Variants in SPTBN2 observed in about 807,000 individuals in gnomAD.
The protein encoded by SPTBN2 is spectrin beta, non-erythrocytic 2.
In SPTBN2, 107 loss-of-function variants were observed where a neutral mutation model predicts 284.2. That is an observed-to-expected ratio of 0.38 (90% confidence interval 0.32 to 0.44). SPTBN2 has a LOEUF of 0.44. Among genes scored for constraint, SPTBN2 ranks in the 20% least tolerant of loss-of-function variants. The pLI is 1.00. For synonymous variants in SPTBN2, 1,289 were observed against 1,354.8 expected, an observed-to-expected ratio of 0.95 and a Z score of 1.07; for missense variants, 2,569 against 3,287.1, an observed-to-expected ratio of 0.78 and a Z score of 5.34.
At chr11:66,689,414 C>G in intron 29 of SPTBN2, 2 of 551,404 alleles carry the variant, frequency 3.6e-6, no homozygotes, top group Non-Finnish European at 3.2e-6. Flanking sequence ...GCTGGGATTA[C>G]AGGTGCCCGC....
At chr11:66,720,111 T>A (rs1023632494) in intron 3 of SPTBN2, among the ~76,000 whole-genome samples, 1 of 152,144 alleles carries the variant, frequency 6.6e-6, no homozygotes, top group Admixed American at 6.5e-5. Context: ...GAAACCTGTA[T>A]TTGTAAAAAA....
chr11:66,702,731 G>A (rs1448867824), intron 15 of SPTBN2, among the ~76,000 whole-genome samples: 7 of 151,732 alleles, frequency 4.6e-5, no homozygotes, highest in Non-Finnish European at 8.8e-5. Context: ...AAGGTCAGGA[G>A]ATCGAGACCA....
At chr11:66,686,328 A>T in intron 37 of SPTBN2, 70 bp downstream of exon 37, 1 of 1,590,200 alleles carries the variant, frequency 6.3e-7, no homozygotes, top group Non-Finnish European at 8.6e-7. Context: ...AGGACAGGGA[A>T]AGAAGGGGAG....
rs1467781459 is a variant in SPTBN2 at position 66,693,167 on chromosome 11, G to A, written c.4854+19C>T. ...GGGCAGAACTGGTCACATACACTGGGCTCTGTCCTGGCCCTCACCTTGGCC... is the reference window on the plus strand; with the variant it reads ...GGGCAGAACTGGTCACATACACTGGACTCTGTCCTGGCCCTCACCTTGGCC... On this transcript the variant is annotated intron_variant, in intron 24 of 37. Transcript: ENST00000533211. This position sits in a 1 kb window ranked among gnomAD's most constrained non-coding sequence, Gnocchi z 5.7. The A allele has an allele frequency of 6.2e-7, 1 of 1,614,214 alleles. No individual in the cohort carries two copies. The highest frequency in any genetic ancestry group is 1.7e-5 in the Admixed American group (1 of 60,034).
Position 66,696,425 on chromosome 11 carries a change from C to A in SPTBN2, c.4130G>T (p.Arg1377Leu), listed in dbSNP as rs767535278. ...ELETTTQAKA[R>L]SLFDANRAEL... ...AGCTCGGTTGGCATCAAAGAGGCTG[C>A]GGGCCTTGGCTTGGGTGGTGGTCTC... Residue 1377 changes from arginine to leucine, a missense_variant, in exon 21 of 38, where the codon CGC becomes CTC. By Grantham distance (102) the Arg-to-Leu change is moderately radical (BLOSUM62 -2). Around this residue, in one of 6 missense-constraint regions of SPTBN2, gnomAD observed 49 missense variants for 92.6 expected, o/e 0.53. Coordinates refer to ENST00000533211, the MANE Select transcript of SPTBN2 (RefSeq NM_006946.4). The A allele has an allele frequency of 1.2e-6, 2 of 1,613,058 alleles. No homozygotes were observed. Among genetic ancestry groups the A allele is most frequent in the Non-Finnish European group, 1.7e-6 (2 of 1,180,020 alleles).
chr11:66,708,839 G>A lies in SPTBN2; in HGVS notation c.1191+63C>T, dbSNP rs1344433897. On this transcript the variant is annotated intron_variant, in intron 11 of 37. Transcript: ENST00000533211. This position sits in a 1 kb window ranked among gnomAD's most constrained non-coding sequence, Gnocchi z 4.4. ...TCGACATGGCCCCGGGTTTGGGGAT[G>A]TGTGCAAGGCATCTGGGCCAGGGCC... 1.9e-5 allele frequency: 26 copies of A among 1,352,978 alleles called. No homozygotes were observed. Among genetic ancestry groups the A allele is most frequent in the Non-Finnish European group, 2.6e-5 (25 of 947,334 alleles). The allele number at this position is 1,352,978 out of a possible 1,614,324, so 83.8% of individuals were successfully genotyped here.
At position 66,707,989 on chromosome 11, in the gene SPTBN2, C is replaced by A; in HGVS notation, c.1350+152G>T. The A allele has an allele frequency of 7.0e-7, 1 of 1,422,556 alleles. No homozygotes were observed. The highest frequency in any genetic ancestry group is 1.2e-5 in the South Asian group (1 of 80,470). 88.1% of individuals were successfully genotyped at this position (1,422,556 alleles called of 1,614,324 possible). ...TCACCAACCCTCTCTCCTGTCCCAC[C>A]CTCTGGCCCCTGGCTCCCGGACCTC... On this transcript the variant is annotated intron_variant, in intron 12 of 37. Coordinates refer to ENST00000533211, the MANE Select transcript of SPTBN2 (RefSeq NM_006946.4). The surrounding 1 kb of genome is among the most constrained non-coding windows in gnomAD (Gnocchi z 4.9).
chr11:66,705,761 T>C lies in SPTBN2; in HGVS notation c.1730A>G (p.Glu577Gly). 6.2e-7 allele frequency: 1 copy of C among 1,612,574 alleles called. No homozygotes were observed. Among genetic ancestry groups the C allele is most frequent in the Non-Finnish European group, 8.5e-7 (1 of 1,179,892 alleles). The change falls in exon 14 of 38, where the codon GAG becomes GGG. Residue 577 changes from glutamate to glycine, a missense_variant. Glu to Gly is a moderately conservative substitution (Grantham distance 98, BLOSUM62 -2). This residue lies in a region of SPTBN2 where 1,012 missense variants were observed against 1,248.9 expected (regional missense o/e 0.81). Transcript: ENST00000533211. The part of the protein sequence containing the change: ...EDLLQLHELV[E>G]ADIAVQAERV... ...CTCGGCCTGCACGGCGATGTCTGCCTCCACCAGCTCGTGCAGCTGCAGCAG... is the reference window on the plus strand; with the variant it reads ...CTCGGCCTGCACGGCGATGTCTGCCCCCACCAGCTCGTGCAGCTGCAGCAG...
chr11:66,690,036 C>T lies in SPTBN2; in HGVS notation c.5810+3G>A. On this transcript the variant is annotated splice_donor_region_variant and intron_variant, in intron 28 of 37. Coordinates refer to ENST00000533211, the MANE Select transcript of SPTBN2 (RefSeq NM_006946.4). ...TGGAGGCCCTGAGCCCTGGGATTCT[C>T]ACCGGGGACGCTCCTGGGCATCCAT... 6.2e-7 allele frequency: 1 copy of T among 1,614,260 alleles called. No individual in the cohort carries two copies. The highest frequency in any genetic ancestry group is 8.5e-7 in the Non-Finnish European group (1 of 1,180,048).
At chr11:66,695,129 G>T (rs1417696018) in intron 21 of SPTBN2, among the ~76,000 whole-genome samples, 2 of 151,562 alleles carry the variant, frequency 1.3e-5, no homozygotes, top group Admixed American at 6.6e-5. Flanking sequence ...CCTTCCTGGG[G>T]GACTCCTCAA....
chr11:66,691,233 C>T lies in SPTBN2; in HGVS notation c.5565+51G>A. On this transcript the variant is annotated intron_variant, in intron 27 of 37. Transcript: ENST00000533211. This position sits in a 1 kb window ranked among gnomAD's most constrained non-coding sequence, Gnocchi z 8.0. ...CTCCTGGGAACTCTCCCCGGCATTT[C>T]CCCCATGGCCTCCTCTAAGCCTCCC... 2 of 1,500,136 alleles carry T rather than the reference C, an allele frequency of 1.3e-6. No homozygotes were observed. Among genetic ancestry groups the T allele is most frequent in the Non-Finnish European group, 1.8e-6 (2 of 1,123,788 alleles). 92.9% of individuals were successfully genotyped at this position (1,500,136 alleles called of 1,614,324 possible). A position where few individuals can be genotyped will look rare whatever the true frequency, so the allele number is the denominator to read the frequency against.
intron 10 of SPTBN2, 94 bp from the exon 11 acceptor site, chr11:66,709,113 C>G: frequency 9.7e-7 from 1 of 1,034,854 alleles, no homozygotes; most frequent in East Asian, 2.4e-5. Flanking sequence ...TGTTGCTTTT[C>G]TTCTTACAAA....
Position 66,701,015 on chromosome 11 carries a change from G to A in SPTBN2, c.3084C>T (p.Gly1028=). 6.2e-7 allele frequency: 1 copy of A among 1,608,112 alleles called. No homozygotes were observed. Among genetic ancestry groups the A allele is most frequent in the Non-Finnish European group, 8.5e-7 (1 of 1,179,812 alleles). ...TGATGGCCACTGCCTGAGCGGGATG[G>A]CCGGCAGCCAGGGCATTTGCCTCTC... ...LTREANALAA[G]HPAQAVAINA... Residue 1028 remains glycine (G), a synonymous_variant, in exon 17 of 38, where the codon GGC becomes GGT. Coordinates refer to ENST00000533211, the MANE Select transcript of SPTBN2 (RefSeq NM_006946.4).
At chr11:66,695,415 C>T (rs188369034) in intron 21 of SPTBN2, among the ~76,000 whole-genome samples, 5 of 152,300 alleles carry the variant, frequency 3.3e-5, no homozygotes, top group African/African-American at 9.6e-5. Flanking sequence ...ACCACCACCA[C>T]GCCCAGCTAA....
At chr11:66,711,537 C>G (rs558871429) in intron 8 of SPTBN2, among the ~76,000 whole-genome samples, 2 of 152,158 alleles carry the variant, frequency 1.3e-5, no homozygotes, top group Non-Finnish European at 2.9e-5. Context: ...GGTGTGATCA[C>G]GCCGTTTCTA....
intron 13 of SPTBN2, among the ~76,000 whole-genome samples, chr11:66,706,491 C>G (rs1941565863): frequency 6.6e-6 from 1 of 152,102 alleles, no homozygotes. Flanking sequence ...CCACCACACT[C>G]AGCTAATTTT....
chr11:66,726,027 A>C (rs775913474), intron 1 of SPTBN2, among the ~76,000 whole-genome samples: 4 of 152,118 alleles, frequency 2.6e-5, no homozygotes, highest in Non-Finnish European at 4.4e-5. Context: ...TTAGTTGTTT[A>C]CGTGTCTCTC....
Position 66,688,840 on chromosome 11 carries a change from A to G in SPTBN2, c.6044T>C (p.Val2015Ala), listed in dbSNP as rs1590910241. The change falls in exon 31 of 38, where the codon GTG (valine) becomes GCG (alanine). Residue 2015 changes from valine to alanine, a missense_variant. Physicochemically the swap from Val to Ala is moderately conservative, Grantham distance 64. Transcript: ENST00000533211. The part of the protein sequence containing the change: ...KMDWLQLVLE[V>A]LVFGRDAGMA... Reference sequence around the variant, plus strand: ...CCCTGCATCTCTTCCAAACACAAGCACCTCCAAAACTGGCAGGATCGGGGG... The same window carrying G: ...CCCTGCATCTCTTCCAAACACAAGCGCCTCCAAAACTGGCAGGATCGGGGG... 30 of 1,611,656 alleles carry G rather than the reference A, an allele frequency of 1.9e-5. No homozygotes were observed. The highest frequency in any genetic ancestry group is 2.5e-5 in the Non-Finnish European group (29 of 1,179,924).
At position 66,705,270 on chromosome 11, in the gene SPTBN2, G is replaced by T; in HGVS notation, c.2006C>A (p.Thr669Lys). The T allele has an allele frequency of 1.3e-6, 2 of 1,592,650 alleles. No individual in the cohort carries two copies. Among genetic ancestry groups the T allele is most frequent in the Non-Finnish European group, 1.7e-6 (2 of 1,174,868 alleles). Residue 669 changes from threonine (T) to lysine (K), a missense_variant, in exon 15 of 38, where the codon ACG (threonine) becomes AAG (lysine). Physicochemically the swap from Thr to Lys is moderately conservative, Grantham distance 78. Around this residue, in one of 6 missense-constraint regions of SPTBN2, gnomAD observed 1,012 missense variants for 1,248.9 expected, o/e 0.81. Coordinates refer to ENST00000533211, the MANE Select transcript of SPTBN2 (RefSeq NM_006946.4). ...EQQHLLASAD[T>K]GRDLTGALRL... ...GAGGGCACCGGTCAGGTCTCGGCCC[G>T]TGTCGGCTGAGGCCAGGAGGTGCTG...
Sources: allele counts gnomAD v4.1 joint callset (sites outside exome capture counted in the v4.1 genomes callset), GRCh38; gene constraint gnomAD v4.1.1; regional missense constraint gnomAD v4.1.1; non-coding constraint Gnocchi (gnomAD v3.1); transcripts MANE v1.5; gene names NCBI Gene and HGNC (gene_info 2026-07-23, HGNC 2026-07-21).